The following PLPPR1 variants were observed in gnomAD, a reference collection of about 807,000 sequenced individuals.
PLPPR1 encodes phospholipid phosphatase-related protein type 1.
In PLPPR1, 10 loss-of-function variants were observed where a neutral mutation model predicts 33.1. That is an observed-to-expected ratio of 0.30 (90% confidence interval 0.19 to 0.51). PLPPR1 has a LOEUF of 0.51. Among genes scored for constraint, PLPPR1 ranks in the 20% least tolerant of loss-of-function variants. PLPPR1 has a pLI of 0.97. For synonymous variants in PLPPR1, 151 were observed against 151.0 expected (o/e 1.00, Z 0.00); for missense variants, 304 against 408.1 (o/e 0.74, Z 2.20).
At chr9:101,057,639 G>T (rs1181184129) in intron 1 of PLPPR1, among the ~76,000 whole-genome samples, 1 of 152,156 alleles carries the variant, frequency 6.6e-6, no homozygotes, top group Non-Finnish European at 1.5e-5. Context: ...TTTGCTGACA[G>T]TTTTCTCAAT....
At chr9:101,315,908 G>A (rs983349373) in intron 6 of PLPPR1, among the ~76,000 whole-genome samples, 1 of 152,242 alleles carries the variant, frequency 6.6e-6, no homozygotes, top group African/African-American at 2.4e-5. Flanking sequence ...AATGTGGGAG[G>A]AAGGGGAAGG....
chr9:101,187,666 T>A (rs1826227288), intron 2 of PLPPR1: 1 of 152,084 alleles, frequency 6.6e-6, no homozygotes, highest in South Asian at 2.1e-4. Context: ...TTATTCCAGG[T>A]ACTATAACAA....
At chr9:101,095,471 C>T (rs1311248977) in intron 1 of PLPPR1, among the ~76,000 whole-genome samples, 4 of 152,172 alleles carry the variant, frequency 2.6e-5, no homozygotes, top group African/African-American at 9.7e-5. Context: ...CCAAACCTTA[C>T]CTGCATGTAT....
At chr9:101,243,719 CA>C (rs918014061) in intron 2 of PLPPR1, among the ~76,000 whole-genome samples, 3 of 151,826 alleles carry the variant, frequency 2.0e-5, no homozygotes, top group African/African-American at 7.2e-5. Context: ...GTCTAGAGCT[CA>C]AGAGAGTGTT....
intron 1 of PLPPR1, among the ~76,000 whole-genome samples, chr9:101,041,787 CTG>C (rs1388546245): frequency 6.6e-6 from 1 of 152,138 alleles, no homozygotes; most frequent in African/African-American, 2.4e-5. Flanking sequence ...GTCTCCGTCT[CTG>C]TGGATTTCCT....
intron 1 of PLPPR1, among the ~76,000 whole-genome samples, chr9:101,045,797 A>G (rs1422748910): frequency 6.6e-6 from 1 of 152,218 alleles, no homozygotes; most frequent in Non-Finnish European, 1.5e-5. Context: ...TAACCTCTCT[A>G]ACCTTCAATT....
intron 1 of PLPPR1, among the ~76,000 whole-genome samples, chr9:101,090,345 TAA>T (rs370954279): frequency 7.4e-4 from 113 of 152,272 alleles, no homozygotes; most frequent in African/African-American, 2.6e-3. Flanking sequence ...TATCAATGTA[TAA>T]GAGTCCTTAT....
chr9:101,216,527 T>G (rs1013642482), intron 2 of PLPPR1, among the ~76,000 whole-genome samples: 28 of 152,238 alleles, frequency 1.8e-4, no homozygotes, highest in African/African-American at 5.3e-4. Flanking sequence ...AGAAGCTTTT[T>G]AGATTAATGT....
chr9:101,139,514 G>C (rs887336319), intron 1 of PLPPR1, among the ~76,000 whole-genome samples: 3 of 152,172 alleles, frequency 2.0e-5, no homozygotes, highest in Non-Finnish European at 4.4e-5. Flanking sequence ...TAGACTGGAA[G>C]AAAAGATAAA....
intron 1 of PLPPR1, among the ~76,000 whole-genome samples, chr9:101,171,117 T>C (rs1345363038): frequency 6.6e-6 from 1 of 152,070 alleles, no homozygotes; most frequent in Non-Finnish European, 1.5e-5. Context: ...GAACCAGACA[T>C]ATAAGTTCAA....
chr9:101,208,070 C>A (rs1826621720), intron 2 of PLPPR1, among the ~76,000 whole-genome samples: 1 of 152,170 alleles, frequency 6.6e-6, no homozygotes, highest in South Asian at 2.1e-4. Flanking sequence ...TGCAGCTCCC[C>A]CTTAAAAGGG....
At chr9:101,232,686 C>T (rs1039773051) in intron 2 of PLPPR1, among the ~76,000 whole-genome samples, 1 of 151,868 alleles carries the variant, frequency 6.6e-6, no homozygotes, top group Admixed American at 6.6e-5. Flanking sequence ...GCCTGCTGAG[C>T]TACATCTGTG....
chr9:101,109,030 C>G (rs990045611), intron 1 of PLPPR1, among the ~76,000 whole-genome samples: 1 of 149,388 alleles, frequency 6.7e-6, no homozygotes, highest in Non-Finnish European at 1.5e-5. Flanking sequence ...GCGATCTCGG[C>G]TCACTGCAAG....
At chr9:101,043,032 T>C (rs893337798) in intron 1 of PLPPR1, among the ~76,000 whole-genome samples, 2 of 152,114 alleles carry the variant, frequency 1.3e-5, no homozygotes, top group African/African-American at 4.8e-5. Context: ...CAGAACCCAA[T>C]TGGTAACCTT....
intron 1 of PLPPR1, among the ~76,000 whole-genome samples, chr9:101,182,197 T>A (rs1364815296): frequency 6.6e-6 from 1 of 151,362 alleles, no homozygotes; most frequent in African/African-American, 2.4e-5. Flanking sequence ...AAAGTTGAAA[T>A]CATAGAAATA....
chr9:101,074,073 A>G (rs920552183), intron 1 of PLPPR1, among the ~76,000 whole-genome samples: 6 of 152,256 alleles, frequency 3.9e-5, no homozygotes, highest in Admixed American at 1.3e-4. Flanking sequence ...GCCATAGTAA[A>G]AAACTATGGC....
intron 1 of PLPPR1, among the ~76,000 whole-genome samples, chr9:101,087,431 T>C (rs1243969332): frequency 6.6e-6 from 1 of 152,198 alleles, no homozygotes; most frequent in Non-Finnish European, 1.5e-5. Flanking sequence ...CAGGAAGCCA[T>C]AGAAATCATG....
chr9:101,031,455 G>T (rs1355449582), intron 1 of PLPPR1, among the ~76,000 whole-genome samples: 1 of 152,154 alleles, frequency 6.6e-6, no homozygotes, highest in Non-Finnish European at 1.5e-5. Context: ...AAAGCAGGAT[G>T]GTTCTGTATT....
At chr9:101,113,530 C>T (rs970462532) in intron 1 of PLPPR1, among the ~76,000 whole-genome samples, 5 of 151,960 alleles carry the variant, frequency 3.3e-5, no homozygotes, top group Admixed American at 2.0e-4. Flanking sequence ...ACCCAGGGCA[C>T]TACAATTACA....
Sources: allele counts gnomAD v4.1 joint callset (sites outside exome capture counted in the v4.1 genomes callset), GRCh38; gene constraint gnomAD v4.1.1; transcripts MANE v1.5; gene names NCBI Gene and HGNC (gene_info 2026-07-23, HGNC 2026-07-21).